Variants in HIBADH observed in about 807,000 individuals in gnomAD.
HIBADH encodes 3-hydroxyisobutyrate dehydrogenase.
In HIBADH, 25 loss-of-function variants were observed where a neutral mutation model predicts 36.1. That is an observed-to-expected ratio of 0.69 (90% confidence interval 0.50 to 0.97). HIBADH has a LOEUF of 0.97. Among genes scored for constraint, HIBADH ranks in the 50% least tolerant of loss-of-function variants. The pLI is 0.00. For missense variants in HIBADH, 421 were observed against 418.0 expected (o/e 1.01, Z -0.06); for synonymous variants, 160 against 149.5 (o/e 1.07, Z -0.51).
chr7:27,653,185 G>C (rs1013996627), intron 1 of HIBADH, among the ~76,000 whole-genome samples: 1 of 152,124 alleles, frequency 6.6e-6, no homozygotes, highest in African/African-American at 2.4e-5. Flanking sequence ...TAAAATTTCA[G>C]TCCATAACAA....
intron 4 of HIBADH, among the ~76,000 whole-genome samples, chr7:27,591,550 CAA>C (rs11356347): frequency 2.9e-3 from 408 of 141,970 alleles, no homozygotes; most frequent in African/African-American, 4.7e-3. Context: ...GACTCCGTCT[CAA>C]AAAAAAAAAA....
At chr7:27,661,067 A>G (rs1237114646) in intron 1 of HIBADH, among the ~76,000 whole-genome samples, 3 of 152,226 alleles carry the variant, frequency 2.0e-5, no homozygotes, top group South Asian at 2.1e-4. Flanking sequence ...AAAAGTGTCT[A>G]TTCTTTTAGG....
rs76986773 is a variant in HIBADH, at chr7:27,639,755, G to A, written c.253-7310C>T. 7.4e-4 allele frequency among the ~76,000 whole-genome samples: 113 copies of A among 151,890 alleles called. No individual in the cohort carries two copies. The East Asian group carries it at 0.012, about 16-fold the overall frequency. ...TAAATTAAAAAAAATAAAGGGATAC[G>A]GAAACGTCCACATATTTTATGAAAA... On this transcript the variant is annotated intron_variant, in intron 2 of 7. Coordinates refer to ENST00000265395, the MANE Select transcript of HIBADH (RefSeq NM_152740.4).
intron 4 of HIBADH, among the ~76,000 whole-genome samples, chr7:27,553,621 C>G (rs1784350783): frequency 6.6e-6 from 1 of 152,154 alleles, no homozygotes; most frequent in Non-Finnish European, 1.5e-5. Context: ...GAGGGCAAAT[C>G]AGAGATGAAA....
chr7:27,545,013 T>A (rs1440847042), intron 4 of HIBADH, among the ~76,000 whole-genome samples: 1 of 152,236 alleles, frequency 6.6e-6, no homozygotes, highest in Admixed American at 6.5e-5. Context: ...GACTTCATCA[T>A]AACCTACATC....
chr7:27,630,333 A>T (rs1225147583), intron 3 of HIBADH, among the ~76,000 whole-genome samples: 3 of 152,000 alleles, frequency 2.0e-5, no homozygotes, highest in Non-Finnish European at 2.9e-5. Context: ...CAGAGATGGG[A>T]TCTCACCATG....
intron 7 of HIBADH, 46 bp downstream of exon 7, chr7:27,531,146 C>G: frequency 2.0e-6 from 3 of 1,531,384 alleles, no homozygotes; most frequent in Non-Finnish European, 2.7e-6. Context: ...GTTATTGGAC[C>G]GTGAAACGTT....
At chr7:27,571,083 C>T (rs1404919372) in intron 4 of HIBADH, among the ~76,000 whole-genome samples, 1 of 151,982 alleles carries the variant, frequency 6.6e-6, no homozygotes, top group Non-Finnish European at 1.5e-5. Context: ...TGGGTTATTT[C>T]TTTAGATATC....
intron 4 of HIBADH, among the ~76,000 whole-genome samples, chr7:27,550,999 CACACAT>C (rs3072850): frequency 0.11 from 16,006 of 152,222 alleles, 1,007 homozygotes; most frequent in Non-Finnish European, 0.14. Context: ...ACACCAAACA[CACACAT>C]ACACATACAC....
At chr7:27,531,402 G>A (rs779149091) in intron 6 of HIBADH, 54 bp from the exon 7 acceptor site, 59 of 1,494,748 alleles carry the variant, frequency 3.9e-5, no homozygotes, top group South Asian at 2.5e-4. Context: ...CACGTCGTGC[G>A]TGACTTATTT....
intron 4 of HIBADH, among the ~76,000 whole-genome samples, chr7:27,584,229 C>T (rs1282147310): frequency 6.6e-6 from 1 of 151,990 alleles, no homozygotes; most frequent in East Asian, 1.9e-4. Context: ...ACATTAAAAT[C>T]TATCCCTCTA....
rs553542329 is a variant in HIBADH, at chr7:27,562,932, T to C, written c.485-19832A>G. Among the ~76,000 whole-genome samples the C allele has an allele frequency of 2.6e-5, 4 of 152,342 alleles. No homozygotes were observed. The South Asian group carries it at 8.3e-4, about 32-fold the overall frequency. On this transcript the variant is annotated intron_variant, in intron 4 of 7. Transcript: ENST00000265395. Reference sequence around the variant, plus strand: ...TTTTTTTATTTTGAAATTATCATGCTGTAAAATTAAATTTTATGTGTGTGT... The same window carrying C: ...TTTTTTTATTTTGAAATTATCATGCCGTAAAATTAAATTTTATGTGTGTGT...
intron 6 of HIBADH, among the ~76,000 whole-genome samples, chr7:27,534,597 A>T (rs1045625594): frequency 1.3e-5 from 2 of 152,106 alleles, no homozygotes; most frequent in Admixed American, 1.3e-4. Flanking sequence ...TTATCTGACA[A>T]ATCTTCACTG....
chr7:27,644,840 G>A (rs886730446), intron 2 of HIBADH, among the ~76,000 whole-genome samples: 3 of 151,534 alleles, frequency 2.0e-5, no homozygotes, highest in Non-Finnish European at 2.9e-5. Context: ...CTTCCCCAGC[G>A]CTAAGCAACC....
At position 27,629,491 on chromosome 7, in the gene HIBADH, TTCTA is replaced by T; in HGVS notation, c.363-3_363del. On this transcript the variant is annotated splice_acceptor_variant and splice_polypyrimidine_tract_variant and coding_sequence_variant and intron_variant, in exon 4 of 8. Coordinates refer to ENST00000265395, the MANE Select transcript of HIBADH (RefSeq NM_152740.4). LOFTEE classifies it high-confidence loss of function. ...ATTAATAATGAGCCCTTCTTCACTTTTCTAAGTAAATAAATAAAAATATTTGTAG... is the reference window on the plus strand; with the variant it reads ...ATTAATAATGAGCCCTTCTTCACTTTAGTAAATAAATAAAAATATTTGTAG... The T allele has an allele frequency of 1.9e-6, 3 of 1,556,208 alleles. No homozygotes were observed. The South Asian group carries it at 3.8e-5, about 20-fold the overall frequency.
intron 4 of HIBADH, among the ~76,000 whole-genome samples, chr7:27,569,989 C>T (rs1248107041): frequency 6.6e-6 from 1 of 152,176 alleles, no homozygotes; most frequent in African/African-American, 2.4e-5. Flanking sequence ...CTTCCTGCTC[C>T]TTGGATCAGA....
chr7:27,561,644 A>T (rs1306311876), intron 4 of HIBADH, among the ~76,000 whole-genome samples: 3 of 152,148 alleles, frequency 2.0e-5, no homozygotes, highest in Non-Finnish European at 2.9e-5. Flanking sequence ...AATTTATTCA[A>T]GTCTATATAT....
rs367672909 is a variant in HIBADH at position 27,661,646 on chromosome 7, AT to A, written c.91+1051del. The stretch of plus-strand genomic sequence containing the variant: ...CAAGGGGCTCAAATCCTAACCCACT[AT>A]TTTTTTTTTAAGCAAAGATTAGAAA... On this transcript the variant is annotated intron_variant, in intron 1 of 7. Coordinates refer to ENST00000265395, the MANE Select transcript of HIBADH (RefSeq NM_152740.4). Among the ~76,000 whole-genome samples the A allele has an allele frequency of 4.4e-3, 638 of 145,010 alleles. 2 individuals are homozygous for A. Among genetic ancestry groups the A allele is most frequent in the African/African-American group, 0.014 (571 of 39,684 alleles).
intron 4 of HIBADH, among the ~76,000 whole-genome samples, chr7:27,614,716 A>T (rs577566483): frequency 1.2e-4 from 18 of 152,198 alleles, no homozygotes; most frequent in Non-Finnish European, 2.6e-4. Flanking sequence ...ATATCTAAAA[A>T]CAGATCTTAT....
Sources: gnomAD v4.1 joint callset for allele counts (sites outside exome capture counted in the v4.1 genomes callset) on GRCh38, gnomAD v4.1.1 for gene constraint, MANE v1.5 for transcripts, NCBI Gene and HGNC (gene_info 2026-07-23, HGNC 2026-07-21) for gene names.